RPTOR: variants seen among roughly 807,000 people sequenced by gnomAD.
RPTOR encodes the protein regulatory associated protein of MTOR complex 1, also known as regulatory-associated protein of mTOR.
In RPTOR, 21 loss-of-function variants were observed where a neutral mutation model predicts 169.9. That is an observed-to-expected ratio of 0.12 (90% CI 0.09 to 0.18). RPTOR has a LOEUF of 0.18. RPTOR is among the 10% of genes least tolerant of loss of function. The pLI is 1.00. For missense variants in RPTOR, 1,133 were observed against 1,855.9 expected (o/e 0.61, Z 7.16); for synonymous variants, 732 against 753.2 (o/e 0.97, Z 0.46).
intron 1 of RPTOR, among the ~76,000 whole-genome samples, chr17:80,591,333 T>C (rs1302116477): frequency 7.0e-6 from 1 of 143,238 alleles, no homozygotes; most frequent in Non-Finnish European, 1.5e-5. Flanking sequence ...TTTCTCTCCT[T>C]CTTTTTTTTG....
intron 3 of RPTOR, among the ~76,000 whole-genome samples, chr17:80,654,055 C>T (rs1298356924): frequency 6.6e-6 from 1 of 152,092 alleles, no homozygotes; most frequent in East Asian, 1.9e-4. Context: ...GTGTGTGGTT[C>T]AAAGTCCCTG....
chr17:80,662,356 C>T (rs972251793), intron 3 of RPTOR, among the ~76,000 whole-genome samples: 8 of 152,192 alleles, frequency 5.3e-5, no homozygotes, highest in Non-Finnish European at 7.3e-5. Flanking sequence ...GAATTTAACT[C>T]AAAGCCTTGC....
chr17:80,874,161 C>T (rs1316615292), intron 13 of RPTOR, among the ~76,000 whole-genome samples: 2 of 151,788 alleles, frequency 1.3e-5, no homozygotes, highest in Admixed American at 1.3e-4. Context: ...GCATTCAGGG[C>T]CACTGTAGAC....
intron 1 of RPTOR, among the ~76,000 whole-genome samples, chr17:80,563,349 A>T (rs1213902876): frequency 6.6e-6 from 1 of 151,838 alleles, no homozygotes; most frequent in Non-Finnish European, 1.5e-5. Context: ...CCTGGCCAAC[A>T]TAGTGAAACC....
intron 31 of RPTOR, among the ~76,000 whole-genome samples, chr17:80,961,993 T>C (rs1224485193): frequency 6.6e-6 from 1 of 152,094 alleles, no homozygotes; most frequent in Non-Finnish European, 1.5e-5. Context: ...CAAACATAAC[T>C]CTTGGGATGG....
chr17:80,816,279 T>G (rs1451774454), intron 7 of RPTOR, among the ~76,000 whole-genome samples: 2 of 151,884 alleles, frequency 1.3e-5, no homozygotes, highest in Non-Finnish European at 2.9e-5. Context: ...GGCTGCAGGG[T>G]GCCGCAGAGG....
At chr17:80,821,755 G>A (rs9908195) in intron 7 of RPTOR, among the ~76,000 whole-genome samples, 20,561 of 152,200 alleles carry the variant, frequency 0.14, 1,463 homozygotes, top group South Asian at 0.16. Flanking sequence ...TTGAATACAC[G>A]GGAGCAAAGT....
intron 4 of RPTOR, among the ~76,000 whole-genome samples, chr17:80,723,358 C>G (rs1427070651): frequency 6.6e-6 from 1 of 151,202 alleles, no homozygotes. Flanking sequence ...TCCCTATTTC[C>G]TTCCACGTTT....
At chr17:80,643,203 A>C (rs1227100302) in intron 2 of RPTOR, among the ~76,000 whole-genome samples, 1 of 152,192 alleles carries the variant, frequency 6.6e-6, no homozygotes, top group Non-Finnish European at 1.5e-5. Context: ...CCTGGAACCC[A>C]CTCCTGAAAT....
chr17:80,903,251 C>T (rs547972478), intron 20 of RPTOR, among the ~76,000 whole-genome samples: 7 of 152,350 alleles, frequency 4.6e-5, no homozygotes, highest in African/African-American at 9.6e-5. Context: ...CCCCGCAGGC[C>T]GCCTGTGCTC....
intron 6 of RPTOR, among the ~76,000 whole-genome samples, chr17:80,777,098 G>A (rs189127670): frequency 1.3e-5 from 2 of 152,228 alleles, no homozygotes; most frequent in South Asian, 2.1e-4. Flanking sequence ...TTAGCTGGAC[G>A]TGGTGGTGCA....
chr17:80,583,209 G>A (rs62068275), intron 1 of RPTOR, among the ~76,000 whole-genome samples: 3 of 36,528 alleles, frequency 8.2e-5, no homozygotes, highest in South Asian at 6.1e-4. Context: ...TTTTTTTTGA[G>A]ACAGAGTCTT....
intron 24 of RPTOR, among the ~76,000 whole-genome samples, chr17:80,932,411 A>G (rs1361685254): frequency 6.6e-6 from 1 of 152,176 alleles, no homozygotes; most frequent in Non-Finnish European, 1.5e-5. Flanking sequence ...CCATCAAGAG[A>G]CAAAGCAGAG....
intron 13 of RPTOR, among the ~76,000 whole-genome samples, chr17:80,862,516 C>T (rs2067929061): frequency 6.6e-6 from 1 of 151,648 alleles, no homozygotes; most frequent in Admixed American, 6.6e-5. Flanking sequence ...TGTGCATGCC[C>T]CTCTGTGTTG....
chr17:80,858,193 C>CCCCACACCGT, intron 13 of RPTOR: 3 of 423,066 alleles, frequency 7.1e-6, no homozygotes, highest in South Asian at 5.5e-5. Flanking sequence ...CACTCAGTCC[C>CCCCACACCGT]CCTGCCTGTG....
At chr17:80,816,936 G>T (rs545222847) in intron 7 of RPTOR, among the ~76,000 whole-genome samples, 2 of 152,344 alleles carry the variant, frequency 1.3e-5, no homozygotes, top group Non-Finnish European at 2.9e-5. Flanking sequence ...GCGGCTGCGG[G>T]GTCTGGGTCT....
At chr17:80,702,823 T>A (rs2066112502) in intron 3 of RPTOR, among the ~76,000 whole-genome samples, 1 of 152,218 alleles carries the variant, frequency 6.6e-6, no homozygotes, top group South Asian at 2.1e-4. Flanking sequence ...ACAGCACTCC[T>A]GTTCAGGAGC....
chr17:80,777,250 A>T (rs2066900206), intron 6 of RPTOR, among the ~76,000 whole-genome samples: 1 of 150,712 alleles, frequency 6.6e-6, no homozygotes, highest in Non-Finnish European at 1.5e-5. Flanking sequence ...AAAAAAAAAG[A>T]AAAAAGAAAG....
chr17:80,774,148 C>A (rs1455496922), intron 6 of RPTOR: 5 of 985,432 alleles, frequency 5.1e-6, no homozygotes, highest in Non-Finnish European at 6.0e-6. Context: ...GGCGCTGTGA[C>A]ATCCTGAGAA....
Sources: gnomAD v4.1 joint callset for allele counts (sites outside exome capture counted in the v4.1 genomes callset) on GRCh38, gnomAD v4.1.1 for gene constraint, MANE v1.5 for transcripts, NCBI Gene and HGNC (gene_info 2026-07-23, HGNC 2026-07-21) for gene names.